Variants in CSMD2 observed in about 807,000 individuals in gnomAD.
CSMD2 encodes the protein CUB and Sushi multiple domains 2.
CSMD2 carries 130 observed loss-of-function variants against 398.5 expected under a neutral mutation model. The observed-to-expected ratio is 0.33, with a 90% confidence interval of 0.28 to 0.38. The LOEUF (loss-of-function observed/expected upper bound fraction) is 0.38, where lower values mean the gene tolerates loss of function less well. Ranked by LOEUF, CSMD2 falls within the 10% of genes least tolerant of loss-of-function variation. The pLI, the probability that CSMD2 is intolerant of heterozygous loss-of-function variation, is 1.00. For synonymous variants in CSMD2, 1,828 were observed against 1,908.5 expected (o/e 0.96, Z 1.10); for missense variants, 3,829 against 4,764.9 (o/e 0.80, Z 5.78).
chr1:33,552,650 G>A (rs896647028), intron 55 of CSMD2, among the ~76,000 whole-genome samples: 1 of 152,218 alleles, frequency 6.6e-6, no homozygotes, highest in East Asian at 1.9e-4. Context: ...GATGAACTTT[G>A]AAAATTTTAT....
intron 6 of CSMD2, among the ~76,000 whole-genome samples, chr1:33,829,740 G>T (rs1335929348): frequency 1.3e-5 from 2 of 152,200 alleles, no homozygotes; most frequent in African/African-American, 4.8e-5. Context: ...GGATCAGGGA[G>T]TTCCCTTTCA....
intron 1 of CSMD2, among the ~76,000 whole-genome samples, chr1:34,141,528 C>T (rs1571247603): frequency 1.3e-5 from 2 of 152,160 alleles, no homozygotes; most frequent in African/African-American, 4.8e-5. Context: ...ATGGCTGGGC[C>T]TTGTGGCTAC....
chr1:33,730,847 G>A (rs537553659), intron 15 of CSMD2, among the ~76,000 whole-genome samples: 5 of 152,232 alleles, frequency 3.3e-5, no homozygotes, highest in South Asian at 2.1e-4. Flanking sequence ...AACCCATGAC[G>A]AATTTTCTTT....
intron 3 of CSMD2, among the ~76,000 whole-genome samples, chr1:34,023,554 C>T (rs1246263148): frequency 6.6e-6 from 1 of 152,000 alleles, no homozygotes; most frequent in African/African-American, 2.4e-5. Context: ...GCAGAGAAAA[C>T]AAAAAAGTAA....
At chr1:33,548,162 G>A (rs1332939786) in intron 56 of CSMD2, among the ~76,000 whole-genome samples, 1 of 152,136 alleles carries the variant, frequency 6.6e-6, no homozygotes, top group Non-Finnish European at 1.5e-5. Flanking sequence ...AGAACTGTGA[G>A]TTGATCAAAC....
At chr1:33,934,668 T>C (rs1374461010) in intron 4 of CSMD2, among the ~76,000 whole-genome samples, 1 of 152,152 alleles carries the variant, frequency 6.6e-6, no homozygotes, top group Non-Finnish European at 1.5e-5. Flanking sequence ...ATTTTCTTTC[T>C]TCTTTATTCC....
Position 33,724,296 on chromosome 1 carries a change from T to G in CSMD2, c.2902A>C (p.Ile968Leu). Residue 968 changes from isoleucine to leucine, a missense_variant, in exon 19 of 71, where the codon ATT becomes CTT. Transcript: ENST00000373381. ...AAGATGGTCCCACTGGAGCCTTGAA[T>G]GAAGCCACCACAGAGAGCTACAGAA... The part of the protein sequence containing the change: ...PSCEALCGGF[I>L]QGSSGTILSP... The G allele has an allele frequency of 6.2e-7, 1 of 1,613,782 alleles. No homozygotes were observed. Among genetic ancestry groups the G allele is most frequent in the Non-Finnish European group, 8.5e-7 (1 of 1,179,764 alleles).
chr1:33,647,076 A>T (rs1643480301), intron 28 of CSMD2, among the ~76,000 whole-genome samples: 1 of 152,292 alleles, frequency 6.6e-6, no homozygotes, highest in Admixed American at 6.5e-5. Flanking sequence ...GTCAGTGTCT[A>T]AAAATCTGGA....
At chr1:33,793,270 T>A (rs867007646) in intron 10 of CSMD2, among the ~76,000 whole-genome samples, 2 of 151,876 alleles carry the variant, frequency 1.3e-5, no homozygotes, top group African/African-American at 4.8e-5. Flanking sequence ...TGGGGGTGTC[T>A]GAGGAAATTC....
intron 3 of CSMD2, among the ~76,000 whole-genome samples, chr1:33,955,801 A>T (rs1206474904): frequency 8.6e-6 from 1 of 116,238 alleles, no homozygotes; most frequent in Admixed American, 8.3e-5. Context: ...TGACACTATT[A>T]GACAAAATAA....
At chr1:34,149,054 G>A (rs1640046664) in intron 1 of CSMD2, among the ~76,000 whole-genome samples, 1 of 152,134 alleles carries the variant, frequency 6.6e-6, no homozygotes, top group Non-Finnish European at 1.5e-5. Flanking sequence ...TCAAACCCAA[G>A]GAATGAATGA....
chr1:33,810,832 A>G lies in CSMD2; in HGVS notation c.1357T>C (p.Ser453Pro). Residue 453 changes from serine (S) to proline (P), a missense_variant, in exon 10 of 71, where the codon TCG (serine) becomes CCG (proline). Ser to Pro is a moderately conservative substitution (Grantham distance 74). This residue lies in a region of CSMD2 where 2,001 missense variants were observed against 2,567.1 expected (regional missense o/e 0.78). Transcript: ENST00000373381. ...RMCDAHLRGP[S>P]GIITSPNFPI... ...AAATTGGGGGAGGTGATGATGCCCG[A>G]GGGGCCTCGAAGGTGGGCATCACAC... 1 of 1,612,756 alleles carries G rather than the reference A, an allele frequency of 6.2e-7. No homozygotes were observed. The highest frequency in any genetic ancestry group is 8.5e-7 in the Non-Finnish European group (1 of 1,179,474).
intron 1 of CSMD2, among the ~76,000 whole-genome samples, chr1:34,089,884 C>T (rs900755722): frequency 6.6e-6 from 1 of 152,174 alleles, no homozygotes; most frequent in African/African-American, 2.4e-5. Context: ...TACCCCACTC[C>T]TCGTCTCCCT....
chr1:34,053,480 G>A (rs1052428454), intron 2 of CSMD2, among the ~76,000 whole-genome samples: 5 of 152,048 alleles, frequency 3.3e-5, no homozygotes, highest in African/African-American at 4.8e-5. Context: ...AATATGTAAT[G>A]GTGTGTGTAG....
intron 70 of CSMD2, among the ~76,000 whole-genome samples, chr1:33,517,201 T>TA (rs1184560170): frequency 3.9e-5 from 6 of 152,214 alleles, no homozygotes; most frequent in Non-Finnish European, 7.3e-5. Context: ...GTGTGTCTGT[T>TA]CAGGGTGGCT....
At chr1:33,922,511 G>C (rs745496742) in intron 4 of CSMD2, among the ~76,000 whole-genome samples, 2 of 152,140 alleles carry the variant, frequency 1.3e-5, no homozygotes, top group Non-Finnish European at 2.9e-5. Context: ...GGTCTTGGGG[G>C]AAAGACAATG....
chr1:34,103,289 C>A (rs1010885555), intron 1 of CSMD2, among the ~76,000 whole-genome samples: 20 of 106,988 alleles, frequency 1.9e-4, no homozygotes, highest in Non-Finnish European at 2.9e-4. Context: ...ACTCCTTGAG[C>A]TTTTTTTTTT....
intron 3 of CSMD2, among the ~76,000 whole-genome samples, chr1:34,026,529 C>G (rs1649666299): frequency 1.3e-5 from 2 of 152,340 alleles, no homozygotes; most frequent in Middle Eastern, 3.4e-3. Context: ...ACCCGACACT[C>G]AGAGATGGGC....
chr1:34,026,499 A>C (rs570888787), intron 3 of CSMD2, among the ~76,000 whole-genome samples: 1 of 152,346 alleles, frequency 6.6e-6, no homozygotes, highest in African/African-American at 2.4e-5. Flanking sequence ...TAGAGTATTA[A>C]GTAGATCTAA....
Sources: allele counts gnomAD v4.1 joint callset (sites outside exome capture counted in the v4.1 genomes callset), GRCh38; gene constraint gnomAD v4.1.1; regional missense constraint gnomAD v4.1.1; transcripts MANE v1.5; gene names NCBI Gene and HGNC (gene_info 2026-07-23, HGNC 2026-07-21).